CYYR1: variants seen among roughly 807,000 people sequenced by gnomAD.
The protein encoded by CYYR1 is cysteine and tyrosine-rich protein 1.
Under a neutral mutation model 15.2 loss-of-function variants are expected in CYYR1, and 14 were observed. The observed-to-expected ratio is 0.92, with a 90% CI of 0.61 to 1.44. The LOEUF is 1.44. Ranked by LOEUF, CYYR1 falls within the 40% of genes most tolerant of loss-of-function variation. The pLI, the probability that CYYR1 is intolerant of heterozygous loss-of-function variation, is 0.00. For synonymous variants in CYYR1, 80 were observed against 77.4 expected (o/e 1.03, Z -0.18); for missense variants, 228 against 209.5 (o/e 1.09, Z -0.54).
At chr21:26,499,835 TG>T (rs979099444) in intron 2 of CYYR1, among the ~76,000 whole-genome samples, 2 of 150,852 alleles carry the variant, frequency 1.3e-5, no homozygotes, top group African/African-American at 2.4e-5. Context: ...AACACATTTT[TG>T]TTTTTTTTTT....
chr21:26,572,180 G>A (rs1601846082), intron 1 of CYYR1, among the ~76,000 whole-genome samples: 1 of 152,170 alleles, frequency 6.6e-6, no homozygotes, highest in African/African-American at 2.4e-5. Flanking sequence ...CAAAGACCAC[G>A]TGTGTAAGAC....
At chr21:26,553,575 A>G (rs1979549283) in intron 2 of CYYR1, among the ~76,000 whole-genome samples, 1 of 152,130 alleles carries the variant, frequency 6.6e-6, no homozygotes, top group Admixed American at 6.6e-5. Flanking sequence ...GTCGAGTAAC[A>G]GAGGGAAACA....
intron 1 of CYYR1, among the ~76,000 whole-genome samples, chr21:26,567,631 T>C (rs937096711): frequency 2.6e-5 from 4 of 151,984 alleles, no homozygotes; most frequent in Non-Finnish European, 4.4e-5. Context: ...CATTTAAGAG[T>C]CACAAAATAA....
rs144642249 is a variant in CYYR1 at position 26,572,250 on chromosome 21, G to C, written c.73+618C>G. Among the ~76,000 whole-genome samples, 232 of 152,296 alleles carry C rather than the reference G, an allele frequency of 1.5e-3. 2 individuals are homozygous for C. The highest frequency in any genetic ancestry group is 5.2e-3 in the African/African-American group (218 of 41,568). On this transcript the variant is annotated intron_variant, in intron 1 of 3. Coordinates refer to ENST00000652641, the MANE Select transcript of CYYR1 (RefSeq NM_001320768.2). ...GGGGCTCCATATTAATCACAAACAA[G>C]AAAACCCACTTTGCTTCGTTAATTA...
intron 2 of CYYR1, among the ~76,000 whole-genome samples, chr21:26,497,398 C>T (rs1159164653): frequency 2.0e-5 from 3 of 152,116 alleles, no homozygotes; most frequent in Non-Finnish European, 2.9e-5. Flanking sequence ...ATTTGGATTT[C>T]ATTCTATAAG....
chr21:26,470,282 AT>A (rs1158122365), intron 3 of CYYR1, among the ~76,000 whole-genome samples: 2 of 152,166 alleles, frequency 1.3e-5, no homozygotes, highest in Non-Finnish European at 2.9e-5. Flanking sequence ...TCTAATAAGA[AT>A]TTGACAGTGT....
At chr21:26,526,940 G>A (rs2065874739) in intron 2 of CYYR1, among the ~76,000 whole-genome samples, 1 of 152,174 alleles carries the variant, frequency 6.6e-6, no homozygotes, top group Non-Finnish European at 1.5e-5. Context: ...CAAACACTAT[G>A]GTCTTGTTAA....
intron 2 of CYYR1, among the ~76,000 whole-genome samples, chr21:26,542,159 G>T (rs1978591760): frequency 7.1e-6 from 1 of 140,492 alleles, no homozygotes; most frequent in Admixed American, 7.5e-5. Flanking sequence ...GATGCCCTCT[G>T]AATACAGAAA....
intron 2 of CYYR1, among the ~76,000 whole-genome samples, 161 bp from the exon 3 acceptor site, chr21:26,480,590 T>A (rs2065166176): frequency 1.3e-5 from 2 of 151,696 alleles, no homozygotes; most frequent in African/African-American, 4.8e-5. Context: ...ACCCATAAGT[T>A]CCCTGAATTG....
intron 2 of CYYR1, among the ~76,000 whole-genome samples, chr21:26,496,265 G>GA (rs1336122784): frequency 6.6e-6 from 1 of 152,154 alleles, no homozygotes; most frequent in East Asian, 1.9e-4. Flanking sequence ...AGCTGCTTAA[G>GA]AGCTTTGTCT....
At chr21:26,504,364 G>A (rs896436481) in intron 2 of CYYR1, among the ~76,000 whole-genome samples, 7 of 151,992 alleles carry the variant, frequency 4.6e-5, no homozygotes, top group East Asian at 3.9e-4. Flanking sequence ...TCTGCCTCCC[G>A]GGTTCAAGCG....
intron 2 of CYYR1, among the ~76,000 whole-genome samples, chr21:26,495,893 T>C (rs950881448): frequency 5.3e-4 from 80 of 152,304 alleles, no homozygotes; most frequent in African/African-American, 1.9e-3. Flanking sequence ...TCCCTGGAAA[T>C]ACCACGTTAG....
intron 3 of CYYR1, among the ~76,000 whole-genome samples, chr21:26,474,192 C>T (rs546870404): frequency 6.6e-6 from 1 of 151,274 alleles, no homozygotes; most frequent in African/African-American, 2.4e-5. Context: ...GACTACAGGC[C>T]CACAGGCGCC....
intron 2 of CYYR1, among the ~76,000 whole-genome samples, chr21:26,537,120 T>C (rs1261830985): frequency 6.6e-6 from 1 of 152,150 alleles, no homozygotes; most frequent in Non-Finnish European, 1.5e-5. Flanking sequence ...TGAGCCTACG[T>C]TAATTAACTG....
intron 2 of CYYR1, chr21:26,551,954 T>C (rs1429527550): frequency 6.5e-6 from 1 of 152,690 alleles, no homozygotes; most frequent in African/African-American, 2.4e-5. Context: ...TGTAGCAGAC[T>C]TCACTGTTGT....
rs763894905 is a variant in CYYR1 at position 26,566,386 on chromosome 21, C to T, written c.74-18G>A. ...GCAATCATCTACAAAACAAAAACCA[C>T]TTGTGAGCAGTTATAGTTGTAAAAT... On this transcript the variant is annotated intron_variant, in intron 1 of 3. Transcript: ENST00000652641. The T allele has an allele frequency of 5.7e-6, 9 of 1,580,522 alleles. No individual in the cohort carries two copies. The East Asian group carries it at 2.0e-4, about 36-fold the overall frequency.
chr21:26,571,436 C>T (rs2123753244), intron 1 of CYYR1, among the ~76,000 whole-genome samples: 1 of 152,328 alleles, frequency 6.6e-6, no homozygotes, highest in Non-Finnish European at 1.5e-5. Flanking sequence ...CCCTGAGGAG[C>T]TGGGCACCTA....
chr21:26,543,990 C>T (rs1486850458), intron 2 of CYYR1, among the ~76,000 whole-genome samples: 1 of 151,966 alleles, frequency 6.6e-6, no homozygotes, highest in African/African-American at 2.4e-5. Flanking sequence ...TAGTGCTTAC[C>T]CTGGAAAGCT....
At chr21:26,472,336 TA>T (rs930113346) in intron 3 of CYYR1, among the ~76,000 whole-genome samples, 2 of 150,832 alleles carry the variant, frequency 1.3e-5, no homozygotes, top group African/African-American at 2.5e-5. Flanking sequence ...ACTTTTTAAT[TA>T]TTTTTTTTTT....
Sources: gnomAD v4.1 joint callset for allele counts (sites outside exome capture counted in the v4.1 genomes callset) on GRCh38, gnomAD v4.1.1 for gene constraint, MANE v1.5 for transcripts, NCBI Gene and HGNC (gene_info 2026-07-23, HGNC 2026-07-21) for gene names.